The following PAPSS1 variants were observed in gnomAD, a reference collection of about 807,000 sequenced individuals.
PAPSS1 encodes the protein bifunctional 3'-phosphoadenosine 5'-phosphosulfate synthase 1.
In PAPSS1, 50 loss-of-function variants were observed where a neutral mutation model predicts 72.0. The ratio of observed to expected loss-of-function variants is 0.69; its 90% CI spans 0.55 to 0.88. The LOEUF (loss-of-function observed/expected upper bound fraction) is 0.88, where lower values mean the gene tolerates loss of function less well. Ranked by LOEUF, PAPSS1 falls within the 40% of genes least tolerant of loss-of-function variation. The pLI is 0.00. For synonymous variants in PAPSS1, 261 were observed against 263.6 expected (o/e 0.99, Z 0.09); for missense variants, 657 against 782.2 (o/e 0.84, Z 1.91).
intron 2 of PAPSS1, among the ~76,000 whole-genome samples, chr4:107,695,685 G>C (rs1242049767): frequency 6.6e-6 from 1 of 152,120 alleles, no homozygotes; most frequent in African/African-American, 2.4e-5. Flanking sequence ...AGTTTATTGA[G>C]AGTTTTTAAC....
intron 6 of PAPSS1, among the ~76,000 whole-genome samples, chr4:107,657,543 G>A (rs1339779504): frequency 1.3e-5 from 2 of 152,234 alleles, no homozygotes; most frequent in Admixed American, 1.3e-4. Context: ...CCAACATGGT[G>A]AAACCCAGTC....
intron 9 of PAPSS1, among the ~76,000 whole-genome samples, chr4:107,648,285 A>G (rs990745249): frequency 2.0e-5 from 3 of 152,250 alleles, no homozygotes; most frequent in African/African-American, 7.2e-5. Flanking sequence ...CCGTGAACAC[A>G]TGTAGGACAA....
At chr4:107,713,853 G>A (rs1723566040) in intron 1 of PAPSS1, among the ~76,000 whole-genome samples, 1 of 151,824 alleles carries the variant, frequency 6.6e-6, no homozygotes, top group African/African-American at 2.4e-5. Context: ...AGAGAAAACA[G>A]CCTGCACAAT....
intron 1 of PAPSS1, among the ~76,000 whole-genome samples, chr4:107,705,197 C>CTT (rs1170214527): frequency 6.6e-6 from 1 of 152,138 alleles, no homozygotes; most frequent in Non-Finnish European, 1.5e-5. Flanking sequence ...AGTATTCCCT[C>CTT]TTTAATTTTT....
In PAPSS1 at chr4:107,687,077, T is replaced by C; in HGVS notation, c.512A>G (p.Lys171Arg). Residue 171 changes from lysine to arginine, a missense_variant, in exon 4 of 12, where the codon AAA becomes AGA. Physicochemically the swap from Lys to Arg is conservative, Grantham distance 26. This residue lies in a region of PAPSS1 where 119 missense variants were observed against 171.1 expected (regional missense o/e 0.70). Coordinates refer to ENST00000265174, the MANE Select transcript of PAPSS1 (RefSeq NM_005443.5). ...PLHVCEQRDV[K>R]GLYKKARAGE... Reference sequence around the variant, plus strand: ...TGCCCGGGCTTTTTTGTAGAGTCCTTTGACATCCCTCTGTTCACAAACATG... The same window carrying C: ...TGCCCGGGCTTTTTTGTAGAGTCCTCTGACATCCCTCTGTTCACAAACATG... 1.2e-6 allele frequency: 2 copies of C among 1,600,802 alleles called. No individual in the cohort carries two copies. Among genetic ancestry groups the C allele is most frequent in the African/African-American group, 1.4e-5 (1 of 74,070 alleles).
At chr4:107,697,211 T>G (rs1723092361) in intron 2 of PAPSS1, among the ~76,000 whole-genome samples, 1 of 152,230 alleles carries the variant, frequency 6.6e-6, no homozygotes, top group Non-Finnish European at 1.5e-5. Flanking sequence ...CAGCTGAAAC[T>G]TCAGATGACT....
intron 1 of PAPSS1, among the ~76,000 whole-genome samples, chr4:107,711,286 T>C (rs982482570): frequency 2.0e-5 from 3 of 152,224 alleles, no homozygotes; most frequent in African/African-American, 7.2e-5. Flanking sequence ...AGGCTAATAT[T>C]GCATGTCCTC....
At chr4:107,693,632 T>C in intron 3 of PAPSS1, 139 bp downstream of exon 3, 1 of 632,556 alleles carries the variant, frequency 1.6e-6, no homozygotes, top group South Asian at 1.9e-5. Context: ...AATCCTATGT[T>C]ACAGGAACAA....
intron 9 of PAPSS1, among the ~76,000 whole-genome samples, chr4:107,652,048 C>A (rs895754056): frequency 6.6e-6 from 1 of 152,048 alleles, no homozygotes; most frequent in African/African-American, 2.4e-5. Context: ...AAATGAAATG[C>A]CTGCTCTTTC....
In PAPSS1 at chr4:107,700,947, T is replaced by C. The variant is rs570117459; in HGVS notation, c.175+224A>G. ...ATTTAATGTGCTATCTATGAAAAAG[T>C]AGTTTTAAGGTTCATTGTGGTTTTT... On this transcript the variant is annotated intron_variant, in intron 2 of 11. Transcript: ENST00000265174. Among the ~76,000 whole-genome samples the C allele has an allele frequency of 7.2e-5, 11 of 152,194 alleles. No homozygotes were observed. The East Asian group carries it at 2.1e-3, about 29-fold the overall frequency.
At chr4:107,675,936 T>C (rs868680722) in intron 5 of PAPSS1, among the ~76,000 whole-genome samples, 6 of 152,040 alleles carry the variant, frequency 3.9e-5, no homozygotes, top group African/African-American at 1.2e-4. Context: ...ACAAAAACCA[T>C]ATGATTCTCT....
At chr4:107,674,985 C>T (rs906148387) in intron 5 of PAPSS1, among the ~76,000 whole-genome samples, 17 of 151,950 alleles carry the variant, frequency 1.1e-4, no homozygotes, top group Admixed American at 2.6e-4. Context: ...TTGAAACCAA[C>T]GAGAACAAAG....
intron 2 of PAPSS1, among the ~76,000 whole-genome samples, chr4:107,698,213 C>A (rs540075027): frequency 6.6e-6 from 1 of 152,096 alleles, no homozygotes; most frequent in East Asian, 1.9e-4. Context: ...AAACAGCATA[C>A]AAAAATCACT....
chr4:107,651,017 T>G (rs539629477), intron 9 of PAPSS1, among the ~76,000 whole-genome samples: 54 of 152,338 alleles, frequency 3.5e-4, no homozygotes, highest in African/African-American at 1.3e-3. Context: ...GTATCAATCA[T>G]TATTCATTCC....
intron 5 of PAPSS1, among the ~76,000 whole-genome samples, chr4:107,673,427 T>C (rs976181888): frequency 5.3e-5 from 8 of 152,072 alleles, no homozygotes; most frequent in African/African-American, 1.7e-4. Flanking sequence ...GAAGCCTCAG[T>C]AGCCGATTCG....
chr4:107,681,455 A>C (rs1722604768), intron 5 of PAPSS1, among the ~76,000 whole-genome samples: 1 of 152,184 alleles, frequency 6.6e-6, no homozygotes, highest in South Asian at 2.1e-4. Flanking sequence ...CTAAAGTCTG[A>C]AGGAACCGTG....
intron 1 of PAPSS1, among the ~76,000 whole-genome samples, chr4:107,712,609 T>C (rs1424680498): frequency 6.6e-6 from 1 of 152,134 alleles, no homozygotes; most frequent in African/African-American, 2.4e-5. Context: ...GCGTGGTGGC[T>C]CATGCTTGTA....
rs553184097 is a variant in PAPSS1, at chr4:107,696,456, G to A, written c.176-2450C>T. Among the ~76,000 whole-genome samples the A allele has an allele frequency of 7.9e-5, 12 of 152,102 alleles. No homozygotes were observed. In the South Asian group the frequency reaches 2.1e-3, roughly 26 times the overall value. ...GACGGAGCTGGAAGCCATCATCCTC[G>A]GCAAACTAACACAGGAACAGAACAC... On this transcript the variant is annotated intron_variant, in intron 2 of 11. Transcript: ENST00000265174.
intron 11 of PAPSS1, among the ~76,000 whole-genome samples, chr4:107,629,621 C>T (rs114904927): frequency 4.5e-4 from 69 of 152,250 alleles, no homozygotes; most frequent in African/African-American, 1.4e-3. Context: ...GGAGATCAAA[C>T]GTGGCTTTAC....
Sources: gnomAD v4.1 joint callset for allele counts (sites outside exome capture counted in the v4.1 genomes callset) on GRCh38, gnomAD v4.1.1 for gene constraint, gnomAD v4.1.1 regional missense constraint, MANE v1.5 for transcripts, NCBI Gene and HGNC (gene_info 2026-07-23, HGNC 2026-07-21) for gene names.